Variants in KLRD1 observed in about 807,000 individuals in gnomAD.
The protein encoded by KLRD1 is killer cell lectin like receptor D1.
A neutral mutation model predicts 22.6 loss-of-function variants in KLRD1; 21 were observed. That is an observed-to-expected ratio of 0.93 (90% CI 0.66 to 1.34). The LOEUF is 1.34. KLRD1 is among the 40% of genes most tolerant of loss of function. The pLI is 0.00. For synonymous variants in KLRD1, 59 were observed against 71.1 expected (o/e 0.83, Z 0.85); for missense variants, 183 against 208.6 (o/e 0.88, Z 0.76).
At chr12:10,264,661 A>G (rs2537798) in intron 1 of KLRD1, among the ~76,000 whole-genome samples, 11,811 of 139,762 alleles carry the variant, frequency 0.085, 1,558 homozygotes, top group African/African-American at 0.29. Context: ...TAATATGTCC[A>G]TCGTCTCACA....
intron 1 of KLRD1, among the ~76,000 whole-genome samples, chr12:10,266,436 A>G (rs1949499535): frequency 6.6e-6 from 1 of 152,084 alleles, no homozygotes; most frequent in South Asian, 2.1e-4. Flanking sequence ...CTACTTATGT[A>G]TCCTTGGCTC....
chr12:10,295,125 T>C (rs1014671245), intron 1 of KLRD1, among the ~76,000 whole-genome samples: 23 of 152,358 alleles, frequency 1.5e-4, no homozygotes, highest in African/African-American at 5.3e-4. Flanking sequence ...TACCATATTT[T>C]ATTTTAAAAC....
intron 1 of KLRD1, among the ~76,000 whole-genome samples, chr12:10,294,335 CAA>C (rs1434534684): frequency 6.6e-6 from 1 of 152,140 alleles, no homozygotes; most frequent in Non-Finnish European, 1.5e-5. Context: ...ACCAGTTTGT[CAA>C]AGTGCATCCT....
chr12:10,244,334 A>G (rs193106373), intron 1 of KLRD1, among the ~76,000 whole-genome samples: 6 of 152,274 alleles, frequency 3.9e-5, no homozygotes, highest in African/African-American at 1.2e-4. Flanking sequence ...ATCAGTCGCT[A>G]CCCACCAGGC....
intron 1 of KLRD1, among the ~76,000 whole-genome samples, chr12:10,249,444 AT>A (rs1949324500): frequency 6.6e-6 from 1 of 152,200 alleles, no homozygotes; most frequent in African/African-American, 2.4e-5. Flanking sequence ...TATCCCCTTC[AT>A]TTTACAGATG....
chr12:10,262,383 A>G (rs949692020), intron 1 of KLRD1, among the ~76,000 whole-genome samples: 1 of 152,088 alleles, frequency 6.6e-6, no homozygotes, highest in African/African-American at 2.4e-5. Context: ...TTTGTCCCCT[A>G]CAGTCATTCA....
At chr12:10,298,284 T>C (rs1949838843) in intron 1 of KLRD1, among the ~76,000 whole-genome samples, 1 of 152,210 alleles carries the variant, frequency 6.6e-6, no homozygotes, top group Non-Finnish European at 1.5e-5. Flanking sequence ...TGGTGATTGA[T>C]ACAAATTACA....
Position 10,328,960 on chromosome 12 carries a change from C to T in KLRD1, c.*14167C>T, listed in dbSNP as rs930059717. 1.3e-5 allele frequency: 2 copies of T among 152,158 alleles called. No individual in the cohort carries two copies. Among genetic ancestry groups the T allele is most frequent in the Non-Finnish European group, 2.9e-5 (2 of 68,038 alleles). The allele number at this position is 152,158 out of a possible 1,614,324, so 9.4% of individuals were successfully genotyped here. On this transcript the variant is annotated 3_prime_UTR_variant, in exon 6 of 6. Coordinates refer to ENST00000336164, the MANE Select transcript of KLRD1 (RefSeq NM_002262.5). ...TGATTTCATAAGACTGATTCACTAC[C>T]ATGAGAACAGTATGGGGGAAACCAC...
chr12:10,320,910 G>A lies in KLRD1; in HGVS notation c.*6117G>A, dbSNP rs1592103437. 2.0e-5 allele frequency: 3 copies of A among 152,314 alleles called. No homozygotes were observed. The East Asian group carries it at 5.8e-4, about 29-fold the overall frequency. The allele number at this position is 152,314 out of a possible 1,614,324, so 9.4% of individuals were successfully genotyped here. A position where few individuals can be genotyped will look rare whatever the true frequency, so the allele number is the denominator to read the frequency against. On this transcript the variant is annotated 3_prime_UTR_variant, in exon 6 of 6. Coordinates refer to ENST00000336164, the MANE Select transcript of KLRD1 (RefSeq NM_002262.5). ...AGAAGCTCCAGGTAGAGAGAAGATT[G>A]AAGAGATTTATGTGTGCGGTTTTTA... is the stretch of plus-strand genomic sequence containing the variant.
At chr12:10,268,172 C>T (rs920771932) in intron 1 of KLRD1, among the ~76,000 whole-genome samples, 3 of 152,160 alleles carry the variant, frequency 2.0e-5, no homozygotes, top group Non-Finnish European at 4.4e-5. Context: ...ATTATTGCCT[C>T]AGATTAGATG....
intron 1 of KLRD1, among the ~76,000 whole-genome samples, chr12:10,252,104 C>G (rs1444447824): frequency 6.6e-6 from 1 of 152,032 alleles, no homozygotes; most frequent in African/African-American, 2.4e-5. Context: ...CTGCTTTTTG[C>G]TTATTGAAGT....
chr12:10,262,761 CAAAT>C (rs1475428397), intron 1 of KLRD1, among the ~76,000 whole-genome samples: 1 of 151,862 alleles, frequency 6.6e-6, no homozygotes, highest in Non-Finnish European at 1.5e-5. Flanking sequence ...TTTGGGATGG[CAAAT>C]AAAACAGATA....
intron 1 of KLRD1, among the ~76,000 whole-genome samples, chr12:10,246,928 C>CTTTTTTTTTTTTTTTTTTT (rs1208226436): frequency 2.3e-5 from 3 of 129,688 alleles, no homozygotes; most frequent in African/African-American, 2.9e-5. Context: ...CTTTTCTTTT[C>CTTTTTTTTTTTTTTTTTTT]TTTTCTTTTT....
chr12:10,264,802 T>A (rs2137635446), intron 1 of KLRD1, among the ~76,000 whole-genome samples: 1 of 152,228 alleles, frequency 6.6e-6, no homozygotes, highest in East Asian at 1.9e-4. Context: ...TCTCTAGATT[T>A]TATTCGTCTT....
At chr12:10,300,699 C>T (rs1412374383), upstream of KLRD1, among the ~76,000 whole-genome samples, 2 of 152,246 alleles carry the variant, frequency 1.3e-5, no homozygotes, top group Non-Finnish European at 2.9e-5. Flanking sequence ...ATCACCTACT[C>T]TGTTCTAGCT....
rs1592105815 is a variant in KLRD1 at position 10,327,250 on chromosome 12, A to G, written c.*12457A>G. ...GTTCTCCAATCTGTTTAATTGGTCT[A>G]TATGTTCATCTTTATGCCAGTGCCA... On this transcript the variant is annotated 3_prime_UTR_variant, in exon 6 of 6. Transcript: ENST00000336164. 3 of 152,262 alleles carry G rather than the reference A, an allele frequency of 2.0e-5. No homozygotes were observed. The South Asian group carries it at 6.2e-4, about 32-fold the overall frequency. 9.4% of individuals were successfully genotyped at this position (152,262 alleles called of 1,614,324 possible).
At chr12:10,249,682 T>G (rs1949326992) in intron 1 of KLRD1, among the ~76,000 whole-genome samples, 1 of 152,154 alleles carries the variant, frequency 6.6e-6, no homozygotes, top group African/African-American at 2.4e-5. Context: ...TTGAAACAAC[T>G]TGAAAAAAGA....
intron 5 of KLRD1, among the ~76,000 whole-genome samples, 200 bp downstream of exon 5, chr12:10,313,713 CAG>C (rs1950153629): frequency 6.6e-6 from 1 of 152,186 alleles, no homozygotes; most frequent in African/African-American, 2.4e-5. Context: ...AAAATCAAAA[CAG>C]AAGATAATGC....
At chr12:10,276,396 TTATCACAGCCTTTTAGTA>T (rs1949592464) in intron 1 of KLRD1, among the ~76,000 whole-genome samples, 2 of 152,226 alleles carry the variant, frequency 1.3e-5, no homozygotes, top group South Asian at 4.1e-4. Flanking sequence ...CATTTTCTGT[TTATCACAGCCTTTTAGTA>T]TCTTTATCCT....
Sources: allele counts gnomAD v4.1 joint callset (sites outside exome capture counted in the v4.1 genomes callset), GRCh38; gene constraint gnomAD v4.1.1; transcripts MANE v1.5; gene names NCBI Gene and HGNC (gene_info 2026-07-23, HGNC 2026-07-21).